Variants in ZUP1 observed in about 807,000 individuals in gnomAD.
The protein encoded by ZUP1 is zinc finger containing ubiquitin peptidase 1.
ZUP1 carries 55 observed loss-of-function variants against 68.1 expected under a neutral mutation model. The ratio of observed to expected loss-of-function variants is 0.81; its 90% CI spans 0.65 to 1.01. The LOEUF (loss-of-function observed/expected upper bound fraction) is 1.01. Ranked by LOEUF, ZUP1 falls within the 50% of genes least tolerant of loss-of-function variation. The probability of loss-of-function intolerance (pLI) is 0.00; values close to 1 mark genes in which losing one functional copy is unlikely to be tolerated. For synonymous variants in ZUP1, 223 were observed against 221.5 expected, an observed-to-expected ratio of 1.01 and a Z score of -0.06; for missense variants, 684 against 674.9, an observed-to-expected ratio of 1.01 and a Z score of -0.15.
chr6:116,643,507 A>T (rs1024448875), intron 9 of ZUP1, among the ~76,000 whole-genome samples: 26 of 152,224 alleles, frequency 1.7e-4, no homozygotes, highest in African/African-American at 6.0e-4. Flanking sequence ...TCAATGGAAC[A>T]GATCAGAGCC....
chr6:116,665,584 T>C (rs1283698035), intron 2 of ZUP1, among the ~76,000 whole-genome samples: 1 of 149,182 alleles, frequency 6.7e-6, no homozygotes, highest in African/African-American at 2.5e-5. Flanking sequence ...TTTTTTTTTT[T>C]TTTTTGGAGA....
At chr6:116,642,012 C>T (rs1444255867) in intron 9 of ZUP1, among the ~76,000 whole-genome samples, 9 of 152,006 alleles carry the variant, frequency 5.9e-5, no homozygotes, top group Admixed American at 3.9e-4. Flanking sequence ...ATATCACCAC[C>T]GATCCCACAG....
intron 7 of ZUP1, 138 bp from the exon 8 acceptor site, chr6:116,647,748 A>T (rs1776357591): frequency 3.0e-6 from 2 of 655,928 alleles, no homozygotes; most frequent in South Asian, 1.2e-4. Context: ...AGAAAAGTAA[A>T]TATAAATTTT....
At chr6:116,645,998 G>GT in intron 8 of ZUP1, 64 bp from the exon 9 acceptor site, 4 of 1,167,538 alleles carry the variant, frequency 3.4e-6, no homozygotes, top group Non-Finnish European at 4.9e-6. Context: ...AATAGTCTCT[G>GT]TATGTATGTT....
Position 116,647,452 on chromosome 6 carries a change from T to C in ZUP1, c.1468+7A>G. On this transcript the variant is annotated splice_region_variant and intron_variant, in intron 8 of 9. Coordinates refer to ENST00000368576, the MANE Select transcript of ZUP1 (RefSeq NM_145062.3). ...CATTGTCAAATATGAGTTATATTAA[T>C]ACTAACCTTGATGCTGAAGATAGAT... 6.5e-7 allele frequency: 1 copy of C among 1,545,820 alleles called. No individual in the cohort carries two copies. Among genetic ancestry groups the C allele is most frequent in the Non-Finnish European group, 8.8e-7 (1 of 1,137,978 alleles).
chr6:116,665,967 A>G lies in ZUP1; in HGVS notation c.559+667T>C, dbSNP rs568139124. ...TGTACACACCAACAATAGAGTCTCA[A>G]AATACATGAAACAAAACCTGACAGA... On this transcript the variant is annotated intron_variant, in intron 2 of 9. Coordinates refer to ENST00000368576, the MANE Select transcript of ZUP1 (RefSeq NM_145062.3). Among the ~76,000 whole-genome samples the G allele has an allele frequency of 6.6e-5, 10 of 152,244 alleles. 1 individual carries two copies. The highest frequency in any genetic ancestry group is 2.2e-4 in the African/African-American group (9 of 41,560).
At chr6:116,643,064 T>C (rs531041989) in intron 9 of ZUP1, among the ~76,000 whole-genome samples, 22 of 151,326 alleles carry the variant, frequency 1.5e-4, no homozygotes, top group African/African-American at 5.3e-4. Flanking sequence ...GAGAGCCAAA[T>C]CATGAGTGAA....
Position 116,658,795 on chromosome 6 carries a change from CT to C in ZUP1, c.792+7del. On this transcript the variant is annotated splice_region_variant and intron_variant, in intron 4 of 9. Transcript: ENST00000368576. ...TCAAAATATTATAATTGTTATTAAT[CT>C]TTGTACCTGCAGCTTCTGAAATTCT... 6.4e-7 allele frequency: 1 copy of C among 1,553,218 alleles called. No individual in the cohort carries two copies. The highest frequency in any genetic ancestry group is 8.8e-7 in the Non-Finnish European group (1 of 1,136,604).
At chr6:116,640,090 G>A (rs1036205955) in intron 9 of ZUP1, among the ~76,000 whole-genome samples, 11 of 151,826 alleles carry the variant, frequency 7.2e-5, no homozygotes, top group Admixed American at 2.6e-4. Context: ...GGGTATCAGC[G>A]ATGGAAGATG....
chr6:116,645,951 A>C lies in ZUP1; in HGVS notation c.1469-17T>G. On this transcript the variant is annotated splice_polypyrimidine_tract_variant and intron_variant, in intron 8 of 9. Coordinates refer to ENST00000368576, the MANE Select transcript of ZUP1 (RefSeq NM_145062.3). ...GACTGTGACCTATCAAAAGATTTTT[A>C]AGTTATACATACGTCACATCTATTT... 6.4e-7 allele frequency: 1 copy of C among 1,569,284 alleles called. No homozygotes were observed.
chr6:116,664,539 T>G (rs1776941554), intron 2 of ZUP1, among the ~76,000 whole-genome samples: 2 of 150,498 alleles, frequency 1.3e-5, no homozygotes, highest in African/African-American at 4.9e-5. Context: ...GACAACAGAG[T>G]TTTTATGAAA....
intron 9 of ZUP1, among the ~76,000 whole-genome samples, chr6:116,641,151 T>A (rs1319787274): frequency 1.3e-5 from 2 of 148,630 alleles, no homozygotes; most frequent in East Asian, 3.9e-4. Context: ...ATCCTAAATA[T>A]ATATGCACCC....
intron 5 of ZUP1, among the ~76,000 whole-genome samples, chr6:116,656,344 A>G (rs569163965): frequency 6.9e-4 from 104 of 151,254 alleles, no homozygotes; most frequent in African/African-American, 2.3e-3. Context: ...TCAGCCTCCC[A>G]AAGTGCTGGG....
At chr6:116,655,222 A>G (rs1416537124) in intron 5 of ZUP1, among the ~76,000 whole-genome samples, 1 of 152,228 alleles carries the variant, frequency 6.6e-6, no homozygotes, top group Non-Finnish European at 1.5e-5. Flanking sequence ...TGAAAACAAG[A>G]TAAGTTAGCT....
chr6:116,644,167 A>G (rs1376637647), intron 9 of ZUP1, among the ~76,000 whole-genome samples: 3 of 152,222 alleles, frequency 2.0e-5, no homozygotes, highest in Non-Finnish European at 2.9e-5. Flanking sequence ...TAGAATGTCA[A>G]TCATTAAAAA....
chr6:116,647,691 C>T, intron 7 of ZUP1, 81 bp from the exon 8 acceptor site: 1 of 1,164,562 alleles, frequency 8.6e-7, no homozygotes, highest in Non-Finnish European at 1.1e-6. Context: ...ACAACAAATT[C>T]TTAGTTTAGA....
intron 9 of ZUP1, among the ~76,000 whole-genome samples, chr6:116,637,633 TG>T (rs759123448): frequency 5.3e-5 from 8 of 152,236 alleles, no homozygotes; most frequent in Non-Finnish European, 7.3e-5. Context: ...CCAACTAAAA[TG>T]TTCAGCAAGA....
intron 1 of ZUP1, among the ~76,000 whole-genome samples, chr6:116,668,248 G>A (rs1234798585): frequency 6.6e-6 from 1 of 152,188 alleles, no homozygotes; most frequent in Non-Finnish European, 1.5e-5. Flanking sequence ...CCCCCAGTGG[G>A]ATTAATGTCA....
At chr6:116,653,923 G>C (rs6923879) in intron 5 of ZUP1, among the ~76,000 whole-genome samples, 55,331 of 151,772 alleles carry the variant, frequency 0.36, 10,735 homozygotes, top group African/African-American at 0.5. Flanking sequence ...GCACCTAAAT[G>C]TCTTTAGATA....
Sources: gnomAD v4.1 joint callset for allele counts (sites outside exome capture counted in the v4.1 genomes callset) on GRCh38, gnomAD v4.1.1 for gene constraint, MANE v1.5 for transcripts, NCBI Gene and HGNC (gene_info 2026-07-23, HGNC 2026-07-21) for gene names.